EVI5: variants seen among roughly 807,000 people sequenced by gnomAD.
The protein encoded by EVI5 is ecotropic viral integration site 5.
Under a neutral mutation model 112.0 loss-of-function variants are expected in EVI5, and 73 were observed. The ratio of observed to expected loss-of-function variants is 0.65; its 90% CI spans 0.54 to 0.79. The LOEUF is 0.79. EVI5 is among the 30% of genes least tolerant of loss of function. EVI5 has a pLI of 0.00. For synonymous variants in EVI5, 305 were observed against 319.9 expected (o/e 0.95, Z 0.50); for missense variants, 900 against 968.8 (o/e 0.93, Z 0.94).
chr1:92,723,336 T>C (rs570875860), intron 2 of EVI5, among the ~76,000 whole-genome samples: 2 of 152,220 alleles, frequency 1.3e-5, no homozygotes, highest in Non-Finnish European at 2.9e-5. Context: ...CCCATGCTGT[T>C]GCGGGAAGTC....
At chr1:92,707,901 G>A (rs1352896243) in intron 2 of EVI5, among the ~76,000 whole-genome samples, 3 of 152,152 alleles carry the variant, frequency 2.0e-5, no homozygotes, top group African/African-American at 7.2e-5. Flanking sequence ...TTCATTCAGT[G>A]TGATACTACT....
intron 19 of EVI5, among the ~76,000 whole-genome samples, chr1:92,517,341 T>A (rs1427769424): frequency 6.6e-6 from 1 of 152,170 alleles, no homozygotes; most frequent in East Asian, 1.9e-4. Flanking sequence ...AAACACTACA[T>A]CATTTTATAT....
chr1:92,778,495 T>A (rs1684446769), intron 1 of EVI5, among the ~76,000 whole-genome samples: 1 of 152,080 alleles, frequency 6.6e-6, no homozygotes, highest in African/African-American at 2.4e-5. Context: ...CCCAATATAC[T>A]AAATGTTCTT....
intron 18 of EVI5, among the ~76,000 whole-genome samples, chr1:92,568,596 A>C (rs1220723107): frequency 6.6e-6 from 1 of 152,124 alleles, no homozygotes; most frequent in African/African-American, 2.4e-5. Flanking sequence ...CCTTGGAAGA[A>C]CTGAGAAAAT....
chr1:92,607,425 G>T, intron 17 of EVI5, 156 bp downstream of exon 17: 1 of 512,934 alleles, frequency 1.9e-6, no homozygotes, highest in Non-Finnish European at 3.3e-6. Flanking sequence ...GAGCTGACCT[G>T]GTCTGAAAGC....
At chr1:92,532,526 T>C (rs964542895) in intron 19 of EVI5, among the ~76,000 whole-genome samples, 7 of 152,168 alleles carry the variant, frequency 4.6e-5, no homozygotes, top group African/African-American at 1.4e-4. Context: ...ATTGACCACA[T>C]AGTTGGAAGT....
chr1:92,666,016 T>C (rs1299107600), intron 10 of EVI5, 24 bp from the exon 11 acceptor site: 3 of 1,518,268 alleles, frequency 2.0e-6, no homozygotes, highest in African/African-American at 1.4e-5. Context: ...AAAAGTTTTA[T>C]TTGCAAGCAT....
intron 18 of EVI5, 135 bp downstream of exon 18, chr1:92,605,160 TATTTTACCACAA>T: frequency 1.6e-6 from 1 of 623,772 alleles, no homozygotes; most frequent in South Asian, 2.0e-5. Context: ...GTTTTATGTC[TATTTTACCACAA>T]TAAAAAAAAA....
At chr1:92,587,892 T>C (rs1230288495) in intron 18 of EVI5, among the ~76,000 whole-genome samples, 1 of 152,234 alleles carries the variant, frequency 6.6e-6, no homozygotes, top group East Asian at 1.9e-4. Context: ...ATCAATATGC[T>C]TATCTTTATA....
intron 1 of EVI5, among the ~76,000 whole-genome samples, chr1:92,744,121 ATCTT>A (rs1326910704): frequency 1.3e-5 from 2 of 152,228 alleles, no homozygotes; most frequent in Non-Finnish European, 2.9e-5. Context: ...TTTTCCAAAT[ATCTT>A]TCTAACTATA....
intron 13 of EVI5, among the ~76,000 whole-genome samples, chr1:92,652,851 C>G (rs1662365481): frequency 6.6e-6 from 1 of 152,128 alleles, no homozygotes; most frequent in African/African-American, 2.4e-5. Context: ...TGTGAAGAAG[C>G]TGGGGCACAG....
Position 92,662,704 on chromosome 1 carries a change from T to A in EVI5, c.1392+15A>T, listed in dbSNP as rs1184441808. ...GGGATGAGAAAGATGAGAAAAGCAC[T>A]ACCAGACTCCTTACCCATTGTTGTT... is the stretch of plus-strand genomic sequence containing the variant. On this transcript the variant is annotated intron_variant, in intron 13 of 19. Coordinates refer to ENST00000684568, the MANE Select transcript of EVI5 (RefSeq NM_001350197.2). 3 of 1,211,602 alleles carry A rather than the reference T, an allele frequency of 2.5e-6. No homozygotes were observed. The African/African-American group carries it at 4.8e-5, about 19-fold the overall frequency. 75.1% of individuals were successfully genotyped at this position (1,211,602 alleles called of 1,614,324 possible).
intron 3 of EVI5, 22 bp from the exon 4 acceptor site, chr1:92,703,641 A>T: frequency 7.0e-7 from 1 of 1,431,272 alleles, no homozygotes; most frequent in South Asian, 1.3e-5. Context: ...ATAAAATTAC[A>T]AAAATGAATT....
At chr1:92,587,842 A>G (rs1409823317) in intron 18 of EVI5, among the ~76,000 whole-genome samples, 1 of 152,230 alleles carries the variant, frequency 6.6e-6, no homozygotes, top group African/African-American at 2.4e-5. Flanking sequence ...AATTTTATAG[A>G]TGTGCTTAGC....
chr1:92,592,487 C>A (rs552366341), intron 18 of EVI5, among the ~76,000 whole-genome samples: 1 of 152,230 alleles, frequency 6.6e-6, no homozygotes, highest in East Asian at 1.9e-4. Context: ...AAAATTGACA[C>A]CCTAACATCA....
chr1:92,787,508 G>C (rs754667350), upstream of EVI5, among the ~76,000 whole-genome samples: 8 of 152,084 alleles, frequency 5.3e-5, no homozygotes, highest in Admixed American at 5.2e-4. Context: ...GAGGCCGGCG[G>C]ATCATTTAAG....
chr1:92,748,877 A>C (rs997618232), intron 1 of EVI5, among the ~76,000 whole-genome samples: 1 of 151,848 alleles, frequency 6.6e-6, no homozygotes, highest in Non-Finnish European at 1.5e-5. Flanking sequence ...CACCAGCCTG[A>C]CCAACAGAAG....
At chr1:92,695,512 T>A in intron 6 of EVI5, 59 bp from the exon 7 acceptor site, 3 of 1,150,920 alleles carry the variant, frequency 2.6e-6, no homozygotes, top group Non-Finnish European at 3.7e-6. Context: ...TAAATTAGAT[T>A]ATATTTATAC....
intron 19 of EVI5, among the ~76,000 whole-genome samples, chr1:92,520,851 C>T (rs1316704027): frequency 7.1e-6 from 1 of 141,190 alleles, no homozygotes; most frequent in Admixed American, 7.2e-5. Context: ...GCAACCCTGT[C>T]TAAAAAAAAA....
Sources: allele counts gnomAD v4.1 joint callset (sites outside exome capture counted in the v4.1 genomes callset), GRCh38; gene constraint gnomAD v4.1.1; transcripts MANE v1.5; gene names NCBI Gene and HGNC (gene_info 2026-07-23, HGNC 2026-07-21).